The following VWA5B1 variants were observed in gnomAD, a reference collection of about 807,000 sequenced individuals.
VWA5B1 encodes the protein von Willebrand factor A domain containing 5B1.
In VWA5B1, 115 loss-of-function variants were observed where a neutral mutation model predicts 118.2. That is an observed-to-expected ratio of 0.97 (90% CI 0.84 to 1.14). VWA5B1 has a LOEUF of 1.14. VWA5B1 is among the 50% of genes most tolerant of loss of function. The pLI is 0.00. For synonymous variants in VWA5B1, 682 were observed against 658.4 expected, an observed-to-expected ratio of 1.04 and a Z score of -0.55; for missense variants, 1,596 against 1,603.8, an observed-to-expected ratio of 1.00 and a Z score of 0.08.
rs546622000 is a variant in VWA5B1, at chr1:20,358,789, A to G, written c.*4526A>G. On this transcript the variant is annotated 3_prime_UTR_variant, in exon 22 of 22. Transcript: ENST00000289815. ...AAGTCAACAGAAAAAAGATGGACAC[A>G]TTCTTCAGCTGTAACATAGCATGCT... Among the ~76,000 whole-genome samples the G allele has an allele frequency of 1.4e-4, 21 of 152,360 alleles. No individual in the cohort carries two copies. Among genetic ancestry groups the G allele is most frequent in the Non-Finnish European group, 2.5e-4 (17 of 68,034 alleles).
At chr1:20,293,080 T>A (rs2088341791) in intron 1 of VWA5B1, among the ~76,000 whole-genome samples, 1 of 152,132 alleles carries the variant, frequency 6.6e-6, no homozygotes, top group African/African-American at 2.4e-5. Context: ...AAAGTTGTCC[T>A]AGCTGGGAGG....
intron 16 of VWA5B1, among the ~76,000 whole-genome samples, chr1:20,344,656 T>G (rs2089970623): frequency 6.6e-6 from 1 of 152,156 alleles, no homozygotes; most frequent in Non-Finnish European, 1.5e-5. Flanking sequence ...ACTGGTGGGA[T>G]CTTGATGGAA....
At chr1:20,298,013 T>G (rs866736584) in intron 1 of VWA5B1, among the ~76,000 whole-genome samples, 7 of 133,800 alleles carry the variant, frequency 5.2e-5, no homozygotes, top group African/African-American at 1.9e-4. Flanking sequence ...TTTTTTTTTT[T>G]TTTTTGTTTG....
rs149093015 is a variant in VWA5B1, at chr1:20,317,637, A to G, written c.671A>G (p.Asn224Ser). ...EVSNPMEYEF[N>S]FQLEIRGPCL... ...TCCAACCCCATGGAGTATGAGTTCA[A>G]CTTCCAGCTGGAGATCCGTGGGCCA... Residue 224 changes from asparagine (N) to serine (S), a missense_variant, in exon 5 of 22, where the codon AAC (asparagine) becomes AGC (serine). By Grantham distance (46) the Asn-to-Ser change is conservative. Transcript: ENST00000289815. The G allele has an allele frequency of 3.2e-6, 5 of 1,551,670 alleles. No individual in the cohort carries two copies. The highest frequency in any genetic ancestry group is 4.4e-6 in the Non-Finnish European group (5 of 1,146,914).
intron 2 of VWA5B1, among the ~76,000 whole-genome samples, chr1:20,310,961 C>T (rs143670874): frequency 6.6e-6 from 1 of 152,200 alleles, no homozygotes; most frequent in African/African-American, 2.4e-5. Context: ...TCAGCCCCAG[C>T]CAACTGTCCC....
At chr1:20,347,478 T>G (rs1362818681) in intron 17 of VWA5B1, among the ~76,000 whole-genome samples, 12 of 152,022 alleles carry the variant, frequency 7.9e-5, no homozygotes, top group Admixed American at 7.9e-4. Context: ...CTTGCTCTGT[T>G]GCTCAGGTTA....
At chr1:20,352,816 G>A (rs2090155548) in intron 21 of VWA5B1, among the ~76,000 whole-genome samples, 2 of 152,164 alleles carry the variant, frequency 1.3e-5, no homozygotes, top group South Asian at 4.1e-4. Flanking sequence ...AAATATCCAG[G>A]GCAACTGAGC....
Position 20,358,089 on chromosome 1 carries a change from C to T in VWA5B1, c.*3826C>T, listed in dbSNP as rs547552646. On this transcript the variant is annotated 3_prime_UTR_variant, in exon 22 of 22. Transcript: ENST00000289815. ...CACTGGACTTGTCCATAAGCGGCCTCGGTTTCCAGCCGGCACCCATGTTTC... is the reference window on the plus strand; with the variant it reads ...CACTGGACTTGTCCATAAGCGGCCTTGGTTTCCAGCCGGCACCCATGTTTC... Among the ~76,000 whole-genome samples the T allele has an allele frequency of 1.3e-5, 2 of 152,286 alleles. No individual in the cohort carries two copies. Among genetic ancestry groups the T allele is most frequent in the South Asian group, 2.1e-4 (1 of 4,824 alleles).
chr1:20,317,292 C>T (rs1325440328), intron 4 of VWA5B1, among the ~76,000 whole-genome samples: 1 of 152,246 alleles, frequency 6.6e-6, no homozygotes, highest in East Asian at 1.9e-4. Context: ...ATGTGAGCTA[C>T]CCATCGGGAG....
chr1:20,348,296 G>T lies in VWA5B1; in HGVS notation c.2816G>T (p.Gly939Val), dbSNP rs749827062. 2.6e-6 allele frequency: 4 copies of T among 1,551,566 alleles called. No individual in the cohort carries two copies. The highest frequency in any genetic ancestry group is 1.2e-5 in the South Asian group (1 of 84,072). Residue 939 changes from glycine (G) to valine (V), a missense_variant, in exon 18 of 22, where the codon GGC (glycine) becomes GTC (valine). By Grantham distance (109) the Gly-to-Val change is moderately radical (BLOSUM62 -3). Transcript: ENST00000289815. ...GSRALAQQWR[G>V]TSSGFGRPQT... ...CGGGCCCTGGCCCAACAGTGGAGGG[G>T]CACCTCTTCTGGCTTTGGAAGGCCG...
At chr1:20,321,533 C>G (rs1361548257) in intron 7 of VWA5B1, among the ~76,000 whole-genome samples, 3 of 152,080 alleles carry the variant, frequency 2.0e-5, no homozygotes, top group African/African-American at 7.2e-5. Flanking sequence ...TGCAGTGAGC[C>G]GAGATTGAGC....
intron 5 of VWA5B1, 78 bp from the exon 6 acceptor site, chr1:20,318,512 T>C (rs2089097731): frequency 6.5e-7 from 1 of 1,537,332 alleles, no homozygotes; most frequent in South Asian, 1.2e-5. Flanking sequence ...CTGGCCTGGA[T>C]CTCGGTGTGC....
At position 20,345,576 on chromosome 1, in the gene VWA5B1, T is replaced by A. The variant is rs543383427; in HGVS notation, c.2747T>A (p.Val916Glu). 244 of 1,549,844 alleles carry A rather than the reference T, an allele frequency of 1.6e-4. No homozygotes were observed. The highest frequency in any genetic ancestry group is 2.0e-4 in the Non-Finnish European group (235 of 1,146,360). The change falls in exon 17 of 22, where the codon GTG becomes GAG. Residue 916 changes from valine (V) to glutamate (E), a missense_variant. Coordinates refer to ENST00000289815, the MANE Select transcript of VWA5B1 (RefSeq NM_001039500.3). The stretch of plus-strand genomic sequence containing the variant: ...AAGAGCCGGTACCTGCCCACCGTGG[T>A]GGAGTACCCCAACTCTGGTAAGGCA... ...VSKSRYLPTV[V>E]EYPNSGAALR...
intron 1 of VWA5B1, among the ~76,000 whole-genome samples, chr1:20,294,604 C>G (rs2088370209): frequency 6.6e-6 from 1 of 152,200 alleles, no homozygotes; most frequent in Non-Finnish European, 1.5e-5. Flanking sequence ...CTCAGCCTCC[C>G]AAGTAGCTGG....
chr1:20,312,764 A>G (rs2088886196), intron 2 of VWA5B1, 72 bp from the exon 3 acceptor site: 1 of 1,454,428 alleles, frequency 6.9e-7, no homozygotes. Flanking sequence ...CCAAGGGTTC[A>G]GGTTCCTTCC....
chr1:20,356,077 C>T lies in VWA5B1; in HGVS notation c.*1814C>T, dbSNP rs911984107. ...GCTCCAGGCTTCCAGGAGATGTGAG[C>T]GGAGCTTTGTCATCTCCCTGCACAC... is the stretch of plus-strand genomic sequence containing the variant. On this transcript the variant is annotated 3_prime_UTR_variant, in exon 22 of 22. Coordinates refer to ENST00000289815, the MANE Select transcript of VWA5B1 (RefSeq NM_001039500.3). Among the ~76,000 whole-genome samples, 9 of 152,200 alleles carry T rather than the reference C, an allele frequency of 5.9e-5. No homozygotes were observed. Among genetic ancestry groups the T allele is most frequent in the South Asian group, 2.1e-4 (1 of 4,832 alleles).
rs762567811 is a variant in VWA5B1, at chr1:20,314,339, G to A, written c.310G>A (p.Gly104Arg). Residue 104 changes from glycine (G) to arginine (R), a missense_variant, in exon 4 of 22, where the codon GGG becomes AGG. Transcript: ENST00000289815. ...PTVTGNILQD[G>R]VSIAPHSCTP... ...GCACTTAGGGAACATTCTGCAAGACGGGGTTTCCATAGCCCCTCATTCCTG... is the reference window on the plus strand; with the variant it reads ...GCACTTAGGGAACATTCTGCAAGACAGGGTTTCCATAGCCCCTCATTCCTG... The A allele has an allele frequency of 2.1e-5, 32 of 1,551,738 alleles. No individual in the cohort carries two copies. Among genetic ancestry groups the A allele is most frequent in the South Asian group, 1.2e-4 (10 of 84,062 alleles).
intron 12 of VWA5B1, among the ~76,000 whole-genome samples, chr1:20,334,403 A>G (rs2089656904): frequency 1.3e-5 from 2 of 152,196 alleles, no homozygotes; most frequent in East Asian, 1.9e-4. Flanking sequence ...TGCTTACTCA[A>G]TACTGGCAAC....
Position 20,356,648 on chromosome 1 carries a change from G to A in VWA5B1, c.*2385G>A. On this transcript the variant is annotated 3_prime_UTR_variant, in exon 22 of 22. Transcript: ENST00000289815. Reference sequence around the variant, plus strand: ...GTGGGCATGCCACCCACTTCTCTAGGAAAGTTCCTCAGACTGCTCCCGCAC... The same window carrying A: ...GTGGGCATGCCACCCACTTCTCTAGAAAAGTTCCTCAGACTGCTCCCGCAC... Among the ~76,000 whole-genome samples, 1 of 152,198 alleles carries A rather than the reference G, an allele frequency of 6.6e-6. No homozygotes were observed.
Sources: gnomAD v4.1 joint callset for allele counts (sites outside exome capture counted in the v4.1 genomes callset) on GRCh38, gnomAD v4.1.1 for gene constraint, MANE v1.5 for transcripts, NCBI Gene and HGNC (gene_info 2026-07-23, HGNC 2026-07-21) for gene names.